Variants in CFAP141 observed in about 807,000 individuals in gnomAD.
CFAP141 encodes the protein cilia- and flagella-associated protein 141.
chr1:154,205,350 G>A, the CFAP141 span, among the ~76,000 whole-genome samples: 1 of 152,274 alleles, frequency 6.6e-6, no homozygotes, highest in African/African-American at 2.4e-5. Context: ...ATAAAAACAT[G>A]CTTCAATTTT....
At chr1:154,199,299 C>T in the CFAP141 span, 3 of 610,208 alleles carry the variant, frequency 4.9e-6, no homozygotes, top group Non-Finnish European at 8.8e-6. Flanking sequence ...AGTGGAAGTG[C>T]TGTCTTAAGT....
chr1:154,199,701 T>C, the CFAP141 span, among the ~76,000 whole-genome samples: 1 of 152,112 alleles, frequency 6.6e-6, no homozygotes, highest in Non-Finnish European at 1.5e-5. Flanking sequence ...GCCTATCCAA[T>C]TTTTTTCTCC....
chr1:154,199,230 G>T, the CFAP141 span: 1 of 409,434 alleles, frequency 2.4e-6, no homozygotes. Flanking sequence ...TGTTACTGTT[G>T]TTTCATAGAT....
At chr1:154,199,318 G>A in the CFAP141 span, 1 of 696,656 alleles carries the variant, frequency 1.4e-6, no homozygotes, top group South Asian at 1.9e-5. Context: ...GTCCCTGACA[G>A]ATAGCAAGAT....
At chr1:154,200,028 C>A in the CFAP141 span, among the ~76,000 whole-genome samples, 1 of 152,184 alleles carries the variant, frequency 6.6e-6, no homozygotes. Context: ...GCAAGTGCCA[C>A]CATGCCCGGC....
At chr1:154,199,358 G>A in the CFAP141 span, 6 of 1,049,906 alleles carry the variant, frequency 5.7e-6, no homozygotes, top group Admixed American at 2.1e-5. Flanking sequence ...GAGGTTCAAG[G>A]TGGTAGAGGT....
At chr1:154,201,530 G>A in the CFAP141 span, among the ~76,000 whole-genome samples, 1 of 152,004 alleles carries the variant, frequency 6.6e-6, no homozygotes, top group African/African-American at 2.4e-5. Flanking sequence ...TGGGACTACA[G>A]GCATGTGCCA....
At chr1:154,202,651 A>AT in the CFAP141 span, among the ~76,000 whole-genome samples, 1 of 151,618 alleles carries the variant, frequency 6.6e-6, no homozygotes, top group African/African-American at 2.4e-5. Flanking sequence ...ATATAAAAAA[A>AT]TTAGCTGGGC....
chr1:154,200,604 A>G, the CFAP141 span: 1 of 1,613,706 alleles, frequency 6.2e-7, no homozygotes, highest in Non-Finnish European at 8.5e-7. Context: ...CCAGGTACAG[A>G]GGTGGGGGTT....
At chr1:154,199,390 G>C in the CFAP141 span, 1 of 1,386,878 alleles carries the variant, frequency 7.2e-7, no homozygotes, top group Non-Finnish European at 1.0e-6. Context: ...AGGTTAGCAG[G>C]CATGTTGAGA....
chr1:154,203,506 A>G, the CFAP141 span, among the ~76,000 whole-genome samples: 4 of 151,578 alleles, frequency 2.6e-5, no homozygotes, highest in Non-Finnish European at 5.9e-5. Context: ...ATGGATCACT[A>G]CAATGTCAAC....
At chr1:154,206,274 C>T in the CFAP141 span, 7 of 1,614,058 alleles carry the variant, frequency 4.3e-6, no homozygotes, top group African/African-American at 1.3e-5. Context: ...ACTCTGCATA[C>T]CTCTTCTACT....
chr1:154,205,741 G>A, the CFAP141 span: 1 of 1,090,858 alleles, frequency 9.2e-7, no homozygotes, highest in South Asian at 1.3e-5. Flanking sequence ...TTTTGCTCTT[G>A]TTGCCCAGGC....
At chr1:154,203,960 G>A in the CFAP141 span, among the ~76,000 whole-genome samples, 47 of 151,972 alleles carry the variant, frequency 3.1e-4, no homozygotes, top group South Asian at 1.0e-3. Flanking sequence ...GTGTGGTGGC[G>A]GGCACCTGTA....
At chr1:154,202,441 G>C in the CFAP141 span, among the ~76,000 whole-genome samples, 3 of 152,110 alleles carry the variant, frequency 2.0e-5, no homozygotes, top group Admixed American at 6.6e-5. Flanking sequence ...TATATCTACT[G>C]TTGGCATTTT....
At chr1:154,204,755 T>A in the CFAP141 span, among the ~76,000 whole-genome samples, 1 of 151,630 alleles carries the variant, frequency 6.6e-6, no homozygotes, top group Non-Finnish European at 1.5e-5. Flanking sequence ...AGAGACAGGG[T>A]TTTCCTATGT....
chr1:154,206,203 A>G, the CFAP141 span: 1 of 1,393,562 alleles, frequency 7.2e-7, no homozygotes, highest in South Asian at 1.2e-5. Context: ...CCAGTAAAAG[A>G]TGCACTTATA....
the CFAP141 span, among the ~76,000 whole-genome samples, chr1:154,202,218 G>C: frequency 7.2e-5 from 11 of 152,014 alleles, no homozygotes; most frequent in African/African-American, 2.7e-4. Flanking sequence ...GATTACAGGC[G>C]TAAGCCACCA....
the CFAP141 span, chr1:154,206,193 C>T: frequency 7.6e-7 from 1 of 1,315,594 alleles, no homozygotes; most frequent in Non-Finnish European, 1.1e-6. Flanking sequence ...AAAGCCTTTC[C>T]CAGTAAAAGA....
Sources: gnomAD v4.1 joint callset for allele counts (sites outside exome capture counted in the v4.1 genomes callset) on GRCh38, gnomAD v4.1.1 for gene constraint, MANE v1.5 for transcripts, NCBI Gene and HGNC (gene_info 2026-07-23, HGNC 2026-07-21) for gene names.